SLIT3: variants seen among roughly 807,000 people sequenced by gnomAD.
SLIT3 encodes the protein slit guidance ligand 3, also known as slit homolog 3 protein.
A neutral mutation model predicts 184.0 loss-of-function variants in SLIT3; 68 were observed. The ratio of observed to expected loss-of-function variants is 0.37; its 90% confidence interval spans 0.30 to 0.45. The LOEUF is 0.45. Among genes scored for constraint, SLIT3 ranks in the 20% least tolerant of loss-of-function variants. The pLI, the probability that SLIT3 is intolerant of heterozygous loss-of-function variation, is 1.00. For missense variants in SLIT3, 1,707 were observed against 2,026.0 expected (o/e 0.84, Z 3.02); for synonymous variants, 831 against 828.6 (o/e 1.00, Z -0.05).
At chr5:169,148,644 T>C (rs911430101) in intron 4 of SLIT3, among the ~76,000 whole-genome samples, 4 of 152,220 alleles carry the variant, frequency 2.6e-5, no homozygotes, top group African/African-American at 9.6e-5. Context: ...TGTCGTCATC[T>C]CGCATAAACA....
intron 4 of SLIT3, among the ~76,000 whole-genome samples, chr5:169,082,600 A>G (rs1254983993): frequency 1.3e-5 from 2 of 152,096 alleles, no homozygotes; most frequent in Admixed American, 1.3e-4. Context: ...CTCTTTCTCT[A>G]CCTACCTACC....
At chr5:169,213,317 C>A (rs1047104263) in intron 3 of SLIT3, among the ~76,000 whole-genome samples, 7 of 151,996 alleles carry the variant, frequency 4.6e-5, no homozygotes, top group Non-Finnish European at 1.0e-4. Flanking sequence ...TAAGAGGACA[C>A]AAATAAAAGA....
At chr5:169,288,944 G>A (rs946663407) in intron 1 of SLIT3, among the ~76,000 whole-genome samples, 4 of 152,206 alleles carry the variant, frequency 2.6e-5, no homozygotes, top group Non-Finnish European at 4.4e-5. Flanking sequence ...TACCCTGATC[G>A]TCTTCCAGAT....
chr5:168,776,363 C>T (rs1326844039), intron 12 of SLIT3, among the ~76,000 whole-genome samples: 2 of 152,190 alleles, frequency 1.3e-5, no homozygotes, highest in Non-Finnish European at 2.9e-5. Context: ...CACAGATGTC[C>T]TCCTGCCTGG....
At chr5:168,690,462 G>A (rs1761871674) in intron 29 of SLIT3, among the ~76,000 whole-genome samples, 2 of 152,158 alleles carry the variant, frequency 1.3e-5, no homozygotes, top group Admixed American at 1.3e-4. Flanking sequence ...CCCATTCCCT[G>A]CCCCTTCCCG....
intron 16 of SLIT3, 144 bp from the exon 17 acceptor site, chr5:168,754,151 G>T (rs568226309): frequency 1.2e-6 from 1 of 804,612 alleles, no homozygotes; most frequent in East Asian, 2.7e-5. Context: ...CTCAGTCTGG[G>T]GCTCCCTGAA....
intron 4 of SLIT3, chr5:168,994,123 C>A (rs532683881): frequency 1.3e-5 from 2 of 152,344 alleles, no homozygotes; most frequent in East Asian, 3.9e-4. Context: ...TCTGCAGACA[C>A]CCTTGTCCTA....
intron 5 of SLIT3, among the ~76,000 whole-genome samples, chr5:168,878,039 T>C (rs1489605042): frequency 6.6e-6 from 1 of 152,204 alleles, no homozygotes; most frequent in Non-Finnish European, 1.5e-5. Context: ...GCCCAGTACC[T>C]AGCACAGTTT....
intron 4 of SLIT3, among the ~76,000 whole-genome samples, chr5:168,922,189 G>A (rs1249376418): frequency 6.6e-6 from 1 of 151,890 alleles, no homozygotes; most frequent in African/African-American, 2.4e-5. Context: ...CAGGTGCGGT[G>A]GCTCACACCT....
intron 4 of SLIT3, among the ~76,000 whole-genome samples, chr5:169,002,339 A>G (rs1291577281): frequency 5.4e-5 from 8 of 147,792 alleles, no homozygotes; most frequent in African/African-American, 1.7e-4. Context: ...AAAAAAAAAA[A>G]AAAAAAAAAA....
At chr5:169,270,614 T>C (rs1382411404) in intron 1 of SLIT3, among the ~76,000 whole-genome samples, 4 of 152,228 alleles carry the variant, frequency 2.6e-5, no homozygotes, top group Non-Finnish European at 4.4e-5. Context: ...AGCCTAAATA[T>C]ACATGTATGA....
At chr5:168,857,291 C>T (rs1328819818) in intron 5 of SLIT3, among the ~76,000 whole-genome samples, 1 of 152,212 alleles carries the variant, frequency 6.6e-6, no homozygotes, top group Non-Finnish European at 1.5e-5. Flanking sequence ...CACTTAAGAA[C>T]TGAGGATGAC....
At chr5:169,048,658 A>T (rs192547488) in intron 4 of SLIT3, among the ~76,000 whole-genome samples, 7 of 152,358 alleles carry the variant, frequency 4.6e-5, no homozygotes, top group Admixed American at 6.5e-5. Context: ...AAAAAGCAAC[A>T]TCATACCCAA....
intron 4 of SLIT3, among the ~76,000 whole-genome samples, chr5:168,908,292 G>A (rs548671302): frequency 6.4e-4 from 98 of 152,046 alleles, no homozygotes; most frequent in Non-Finnish European, 1.1e-3. Flanking sequence ...CTTAGCAGTG[G>A]TAGACGAGTC....
chr5:169,126,107 G>A (rs1385691143), intron 4 of SLIT3, among the ~76,000 whole-genome samples: 1 of 152,140 alleles, frequency 6.6e-6, no homozygotes, highest in African/African-American at 2.4e-5. Context: ...TAGAAAGTCG[G>A]GCTTTGCTGC....
intron 4 of SLIT3, among the ~76,000 whole-genome samples, chr5:169,045,535 C>T (rs920834565): frequency 6.6e-6 from 1 of 151,870 alleles, no homozygotes; most frequent in Non-Finnish European, 1.5e-5. Context: ...TTGCCTGACA[C>T]ACGGTAGGTA....
intron 25 of SLIT3, chr5:168,709,955 T>C (rs1437692279): frequency 1.3e-5 from 2 of 152,034 alleles, no homozygotes; most frequent in Non-Finnish European, 2.9e-5. Context: ...TTTTTGAAAA[T>C]CAATTTGGCA....
At chr5:168,750,274 G>T (rs958693630) in intron 18 of SLIT3, among the ~76,000 whole-genome samples, 2 of 152,214 alleles carry the variant, frequency 1.3e-5, no homozygotes, top group Non-Finnish European at 2.9e-5. Flanking sequence ...GAGATGAGGG[G>T]ATGATGGCAG....
chr5:169,240,579 CTT>C (rs67955225), intron 3 of SLIT3, among the ~76,000 whole-genome samples: 7,736 of 114,284 alleles, frequency 0.068, 216 homozygotes, highest in Middle Eastern at 0.12. Context: ...CTATCATTTT[CTT>C]TTTTTTTTTT....
Sources: gnomAD v4.1 joint callset for allele counts (sites outside exome capture counted in the v4.1 genomes callset) on GRCh38, gnomAD v4.1.1 for gene constraint, MANE v1.5 for transcripts, NCBI Gene and HGNC (gene_info 2026-07-23, HGNC 2026-07-21) for gene names.